Variants in TCERG1 observed in about 807,000 individuals in gnomAD.
TCERG1 encodes transcription elongation regulator 1.
TCERG1 carries 37 observed loss-of-function variants against 144.7 expected under a neutral mutation model. The observed-to-expected ratio is 0.26, with a 90% CI of 0.20 to 0.34. TCERG1 has a LOEUF of 0.34. Ranked by LOEUF, TCERG1 falls within the 10% of genes least tolerant of loss-of-function variation. TCERG1 has a pLI of 1.00. For synonymous variants in TCERG1, 492 were observed against 458.2 expected (o/e 1.07, Z -0.94); for missense variants, 1,027 against 1,380.7 (o/e 0.74, Z 4.06).
At chr5:146,461,214 AAATAT>A (rs148093462) in intron 4 of TCERG1, among the ~76,000 whole-genome samples, 3,428 of 152,284 alleles carry the variant, frequency 0.023, 127 homozygotes, top group African/African-American at 0.077. Flanking sequence ...TTATTCCCAG[AAATAT>A]AATATAGCAA....
chr5:146,488,068 A>T (rs1766015572), intron 15 of TCERG1, among the ~76,000 whole-genome samples: 1 of 152,182 alleles, frequency 6.6e-6, no homozygotes, highest in Non-Finnish European at 1.5e-5. Flanking sequence ...ATGAAATTAG[A>T]ACCCCACCTC....
rs1314424875 is a variant in TCERG1, at chr5:146,479,923, A to C, written c.1819+12A>C. On this transcript the variant is annotated intron_variant, in intron 11 of 22. Transcript: ENST00000679501. Reference sequence around the variant, plus strand: ...CTCTATGAGTGCAAGTGAGTGAACTAACCATAAATTGCAGCTTCTTTTTAA... The same window carrying C: ...CTCTATGAGTGCAAGTGAGTGAACTCACCATAAATTGCAGCTTCTTTTTAA... The C allele has an allele frequency of 6.2e-7, 1 of 1,612,634 alleles. No individual in the cohort carries two copies. The highest frequency in any genetic ancestry group is 8.5e-7 in the Non-Finnish European group (1 of 1,179,186).
chr5:146,467,516 G>C (rs944191205), intron 5 of TCERG1, among the ~76,000 whole-genome samples: 4 of 152,054 alleles, frequency 2.6e-5, no homozygotes, highest in Non-Finnish European at 5.9e-5. Flanking sequence ...AATGCATCAT[G>C]ATGAGTCTTC....
intron 3 of TCERG1, among the ~76,000 whole-genome samples, chr5:146,458,458 G>C (rs563527367): frequency 1.3e-5 from 2 of 149,082 alleles, no homozygotes; most frequent in African/African-American, 5.0e-5. Context: ...GATTACAGGT[G>C]TGAGCCACCG....
chr5:146,493,875 G>A (rs950971825), intron 16 of TCERG1, among the ~76,000 whole-genome samples: 2 of 151,974 alleles, frequency 1.3e-5, no homozygotes, highest in Non-Finnish European at 2.9e-5. Flanking sequence ...TAAAACTGTC[G>A]GGTAGCATCA....
At chr5:146,469,957 T>C (rs1764134667) in intron 7 of TCERG1, 1 of 401,560 alleles carries the variant, frequency 2.5e-6, no homozygotes, top group South Asian at 5.2e-5. Flanking sequence ...TCTGGAGAAA[T>C]GGTTATATGT....
At chr5:146,478,764 C>A in intron 10 of TCERG1, 111 bp downstream of exon 10, 1 of 1,151,592 alleles carries the variant, frequency 8.7e-7, no homozygotes, top group Non-Finnish European at 1.2e-6. Context: ...ATATAAGAAG[C>A]ATTCGAAAAA....
chr5:146,510,487 G>A lies in TCERG1; in HGVS notation c.3193G>A (p.Glu1065Lys), dbSNP rs1225211252. 6.2e-7 allele frequency: 1 copy of A among 1,613,934 alleles called. No individual in the cohort carries two copies. The highest frequency in any genetic ancestry group is 8.5e-7 in the Non-Finnish European group (1 of 1,180,004). The change falls in exon 23 of 23, where the codon GAA becomes AAA. Residue 1065 changes from glutamate to lysine, a missense_variant. Glu to Lys is a moderately conservative substitution (Grantham distance 56). Coordinates refer to ENST00000679501, the MANE Select transcript of TCERG1 (RefSeq NM_001382548.1). ...QESDQHLKDV[E>K]KILQNDKRYL... ...ATCAGATCAGCACCTGAAAGATGTA[G>A]AAAAAATTTTACAGAATGACAAACG...
chr5:146,483,626 A>G lies in TCERG1; in HGVS notation c.2160A>G (p.Lys720=), dbSNP rs371441575. The part of the protein sequence containing the change: ...RYLLLNPKER[K]QVFDQYVKTR... The stretch of plus-strand genomic sequence containing the variant: ...TACTTCTCAATCCTAAAGAGAGAAA[A>G]CAGGTAAAAGGAAAATGGCATTAAC... Residue 720 remains lysine (K), a synonymous_variant, in exon 15 of 23, where the codon AAA becomes AAG. Coordinates refer to ENST00000679501, the MANE Select transcript of TCERG1 (RefSeq NM_001382548.1). 1.9e-6 allele frequency: 3 copies of G among 1,609,124 alleles called. No individual in the cohort carries two copies. Among genetic ancestry groups the G allele is most frequent in the Non-Finnish European group, 2.5e-6 (3 of 1,177,768 alleles).
Position 146,483,458 on chromosome 5 carries a change from T to C in TCERG1, c.2074-82T>C, listed in dbSNP as rs905633796. On this transcript the variant is annotated intron_variant, in intron 14 of 22. Transcript: ENST00000679501. ...TTTATGTCTCCTTTATAAACAGATA[T>C]CCTGTAGATTTCAAGCAAAATTATG... 41 of 1,186,364 alleles carry C rather than the reference T, an allele frequency of 3.5e-5. 1 individual carries two copies. The highest frequency in any genetic ancestry group is 4.6e-5 in the Non-Finnish European group (38 of 820,386). The allele number at this position is 1,186,364 out of a possible 1,614,324, so 73.5% of individuals were successfully genotyped here. A position where few individuals can be genotyped will look rare whatever the true frequency, so the allele number is the denominator to read the frequency against.
chr5:146,460,281 A>C (rs1763219733), intron 4 of TCERG1, among the ~76,000 whole-genome samples: 1 of 152,104 alleles, frequency 6.6e-6, no homozygotes, highest in South Asian at 2.1e-4. Context: ...ATTTGCTTAA[A>C]AGATTGTTAT....
intron 1 of TCERG1, among the ~76,000 whole-genome samples, chr5:146,450,206 A>C (rs559209858): frequency 6.6e-6 from 1 of 152,366 alleles, no homozygotes; most frequent in Admixed American, 6.5e-5. Context: ...CGAAAACTCA[A>C]ATTAGGAATA....
At position 146,510,479 on chromosome 5, in the gene TCERG1, A is replaced by G. The variant is rs1768377321; in HGVS notation, c.3185A>G (p.Lys1062Arg). The change falls in exon 23 of 23, where the codon AAA (lysine) becomes AGA (arginine). Residue 1062 changes from lysine to arginine, a missense_variant. Transcript: ENST00000679501. The stretch of plus-strand genomic sequence containing the variant: ...ATCCAAGAATCAGATCAGCACCTGA[A>G]AGATGTAGAAAAAATTTTACAGAAT... The part of the protein sequence containing the change: ...KLIQESDQHL[K>R]DVEKILQNDK... 1 of 1,614,016 alleles carries G rather than the reference A, an allele frequency of 6.2e-7. No homozygotes were observed. The highest frequency in any genetic ancestry group is 8.5e-7 in the Non-Finnish European group (1 of 1,180,010).
chr5:146,486,734 T>A (rs943341387), intron 15 of TCERG1, among the ~76,000 whole-genome samples: 2 of 152,046 alleles, frequency 1.3e-5, no homozygotes, highest in African/African-American at 4.8e-5. Flanking sequence ...GATGACAGGA[T>A]CTTACATATG....
At chr5:146,461,459 G>C (rs1458076475) in intron 4 of TCERG1, among the ~76,000 whole-genome samples, 1 of 152,110 alleles carries the variant, frequency 6.6e-6, no homozygotes, top group Admixed American at 6.5e-5. Context: ...AATGAAGTTA[G>C]TGGGAATTTA....
In TCERG1 at chr5:146,493,057, T is replaced by C; in HGVS notation, c.2282+19T>C. On this transcript the variant is annotated intron_variant, in intron 16 of 22. Coordinates refer to ENST00000679501, the MANE Select transcript of TCERG1 (RefSeq NM_001382548.1). ...ATCCAAGGTATGTGGTTTGTTTCTC[T>C]TAAATATCAAAGTGTATTTATTTTC... The C allele has an allele frequency of 6.8e-7, 1 of 1,469,426 alleles. No individual in the cohort carries two copies. The allele number at this position is 1,469,426 out of a possible 1,614,324, so 91.0% of individuals were successfully genotyped here. A position where few individuals can be genotyped will look rare whatever the true frequency, so the allele number is the denominator to read the frequency against.
intron 1 of TCERG1, among the ~76,000 whole-genome samples, chr5:146,448,750 T>A (rs1762110765): frequency 6.6e-6 from 1 of 152,222 alleles, no homozygotes; most frequent in Admixed American, 6.5e-5. Context: ...TCCTTTAAAC[T>A]CCATATGTAT....
rs1449055859 is a variant in TCERG1, at chr5:146,459,147, A to G, written c.702A>G (p.Gln234=). ...AGGCCCAGGCTCAGGCTCAGGCACA[A>G]GCTCAGGCCCAGGCCCAGGCTCAGG... is the stretch of plus-strand genomic sequence containing the variant. ...QAQAQAQAQA[Q]AQAQAQAQVQ... is the part of the protein sequence containing the mutation. Residue 234 remains glutamine (Q), a synonymous_variant, in exon 4 of 23, where the codon CAA becomes CAG. Transcript: ENST00000679501. The G allele has an allele frequency of 1.1e-5, 17 of 1,609,524 alleles. No homozygotes were observed. The highest frequency in any genetic ancestry group is 2.2e-5 in the East Asian group (1 of 44,720).
At chr5:146,451,498 T>G (rs1199550405) in intron 1 of TCERG1, among the ~76,000 whole-genome samples, 1 of 151,710 alleles carries the variant, frequency 6.6e-6, no homozygotes, top group African/African-American at 2.4e-5. Context: ...AATTTCTGTA[T>G]TTTTAGTAGA....
Sources: gnomAD v4.1 joint callset for allele counts (sites outside exome capture counted in the v4.1 genomes callset) on GRCh38, gnomAD v4.1.1 for gene constraint, MANE v1.5 for transcripts, NCBI Gene and HGNC (gene_info 2026-07-23, HGNC 2026-07-21) for gene names.